The following HYAL4 variants were observed in gnomAD, a reference collection of about 807,000 sequenced individuals.
The protein encoded by HYAL4 is hyaluronidase-4.
In HYAL4, 37 loss-of-function variants were observed where a neutral mutation model predicts 35.2. That is an observed-to-expected ratio of 1.05 (90% confidence interval 0.81 to 1.38). The LOEUF is 1.38. HYAL4 is among the 40% of genes most tolerant of loss of function. The pLI is 0.00. For missense variants in HYAL4, 572 were observed against 572.4 expected (o/e 1.00, Z 0.01); for synonymous variants, 198 against 203.2 (o/e 0.97, Z 0.22).
the HYAL4 span, among the ~76,000 whole-genome samples, chr7:123,792,962 C>G: frequency 2.0e-5 from 3 of 152,154 alleles, no homozygotes; most frequent in African/African-American, 7.2e-5. Context: ...GAGGTCCCTT[C>G]GGGCCAGCCT....
intron 4 of HYAL4, among the ~76,000 whole-genome samples, chr7:123,875,516 G>C (rs1326667820): frequency 6.6e-6 from 1 of 151,916 alleles, no homozygotes; most frequent in African/African-American, 2.4e-5. Context: ...AATTAGGCGA[G>C]TGTGATGACA....
At chr7:123,871,530 C>T (rs1353480789) in intron 3 of HYAL4, among the ~76,000 whole-genome samples, 1 of 152,126 alleles carries the variant, frequency 6.6e-6, no homozygotes, top group East Asian at 1.9e-4. Flanking sequence ...TTCATTTGTA[C>T]CAAACTCTTA....
At chr7:123,817,344 T>C in the HYAL4 span, among the ~76,000 whole-genome samples, 3 of 152,116 alleles carry the variant, frequency 2.0e-5, no homozygotes, top group Non-Finnish European at 4.4e-5. Context: ...CTAAAACTTA[T>C]CCATCTTTAT....
the HYAL4 span, among the ~76,000 whole-genome samples, chr7:123,812,162 G>A: frequency 6.6e-6 from 1 of 152,054 alleles, no homozygotes; most frequent in East Asian, 1.9e-4. Context: ...TTTTTACAAT[G>A]TGTGGAATTA....
the HYAL4 span, among the ~76,000 whole-genome samples, chr7:123,801,633 G>A: frequency 3.3e-5 from 5 of 152,014 alleles, no homozygotes; most frequent in Non-Finnish European, 5.9e-5. Flanking sequence ...TTATTTATTT[G>A]ATTTCATCAA....
At chr7:123,864,322 CTA>C (rs1806641131) in intron 2 of HYAL4, among the ~76,000 whole-genome samples, 1 of 152,094 alleles carries the variant, frequency 6.6e-6, no homozygotes, top group African/African-American at 2.4e-5. Context: ...CTAGTCCTTC[CTA>C]TATATTCCCA....
chr7:123,783,674 C>CA, the HYAL4 span, among the ~76,000 whole-genome samples: 1 of 152,026 alleles, frequency 6.6e-6, no homozygotes, highest in East Asian at 1.9e-4. Flanking sequence ...CTGCTGGGAA[C>CA]AGGTTAGGGT....
chr7:123,835,976 G>A (rs1805958665), intron 1 of HYAL4, among the ~76,000 whole-genome samples: 1 of 152,102 alleles, frequency 6.6e-6, no homozygotes, highest in Admixed American at 6.5e-5. Flanking sequence ...AATTTATTGA[G>A]ACTTGTTTCA....
At position 123,863,057 on chromosome 7, in the gene HYAL4, C is replaced by T. The variant is rs559347822; in HGVS notation, c.-51-5166C>T. Among the ~76,000 whole-genome samples, 16 of 152,340 alleles carry T rather than the reference C, an allele frequency of 1.1e-4. No homozygotes were observed. In the East Asian group the frequency reaches 2.7e-3, roughly 26 times the overall value. On this transcript the variant is annotated intron_variant, in intron 2 of 4. Coordinates refer to ENST00000223026, the MANE Select transcript of HYAL4 (RefSeq NM_012269.3). ...CCAGACATCCTCCAGGCTGACTCCT[C>T]TTATCCTTGGGATCAGTGAGGCTTG...
intron 2 of HYAL4, among the ~76,000 whole-genome samples, chr7:123,853,348 A>G (rs968602836): frequency 6.6e-6 from 1 of 152,254 alleles, no homozygotes; most frequent in African/African-American, 2.4e-5. Flanking sequence ...TTGCCCATTC[A>G]GTATGATATT....
the HYAL4 span, among the ~76,000 whole-genome samples, chr7:123,805,988 C>G: frequency 6.6e-6 from 1 of 151,770 alleles, no homozygotes; most frequent in Non-Finnish European, 1.5e-5. Flanking sequence ...CAGGGAGACT[C>G]CGTCCGAAAA....
At chr7:123,786,289 A>G in the HYAL4 span, among the ~76,000 whole-genome samples, 2 of 152,336 alleles carry the variant, frequency 1.3e-5, no homozygotes, top group East Asian at 3.9e-4. Flanking sequence ...GTTTGGGGTG[A>G]AAGAGGTGTC....
intron 1 of HYAL4, among the ~76,000 whole-genome samples, chr7:123,831,961 T>C (rs936883339): frequency 3.3e-5 from 5 of 152,150 alleles, no homozygotes; most frequent in African/African-American, 9.7e-5. Flanking sequence ...CCTTTTTTTT[T>C]CCCTTCCATG....
At chr7:123,874,907 T>C (rs539523341) in intron 4 of HYAL4, 57 bp downstream of exon 4, 2 of 1,027,042 alleles carry the variant, frequency 1.9e-6, no homozygotes, top group East Asian at 2.4e-5. Context: ...ATTTCTCTGC[T>C]TTCTTGGAGA....
chr7:123,813,936 CTT>C, the HYAL4 span, among the ~76,000 whole-genome samples: 84 of 152,212 alleles, frequency 5.5e-4, no homozygotes, highest in Non-Finnish European at 1.1e-3. Flanking sequence ...ATGTGTGAAA[CTT>C]TTTATAGTTT....
rs554067711 is a variant in HYAL4 at position 123,868,656 on chromosome 7, A to G, written c.383A>G (p.Asp128Gly). 1 of 1,613,760 alleles carries G rather than the reference A, an allele frequency of 6.2e-7. No individual in the cohort carries two copies. The highest frequency in any genetic ancestry group is 1.7e-5 in the Admixed American group (1 of 59,948). ...LQVHLEKADQDINYYIPAEDF... is the reference protein window; with the variant it reads ...LQVHLEKADQGINYYIPAEDF... ...GTACATCTGGAAAAAGCTGACCAAG[A>G]TATTAATTATTACATCCCTGCTGAA... The change falls in exon 3 of 5, where the codon GAT (aspartate) becomes GGT (glycine). Residue 128 changes from aspartate (D) to glycine (G), a missense_variant. Physicochemically the swap from Asp to Gly is moderately conservative, Grantham distance 94. Coordinates refer to ENST00000223026, the MANE Select transcript of HYAL4 (RefSeq NM_012269.3).
chr7:123,865,237 TTC>T (rs1253181823), intron 2 of HYAL4, among the ~76,000 whole-genome samples: 77 of 152,308 alleles, frequency 5.1e-4, no homozygotes, highest in Admixed American at 1.4e-3. Flanking sequence ...GGGTAGATTT[TTC>T]TTTTTTTGGT....
the HYAL4 span, among the ~76,000 whole-genome samples, chr7:123,806,600 C>T: frequency 1.2e-4 from 18 of 151,852 alleles, no homozygotes; most frequent in South Asian, 4.2e-4. Context: ...TGCGCCACCA[C>T]GCCCAAGTAA....
upstream of HYAL4, among the ~76,000 whole-genome samples, chr7:123,842,481 C>T (rs564304287): frequency 5.3e-4 from 80 of 151,838 alleles, no homozygotes; most frequent in African/African-American, 1.4e-3. Flanking sequence ...CTGTTGATTT[C>T]GGGTGGAGAG....
Sources: allele counts gnomAD v4.1 joint callset (sites outside exome capture counted in the v4.1 genomes callset), GRCh38; gene constraint gnomAD v4.1.1; transcripts MANE v1.5; gene names NCBI Gene and HGNC (gene_info 2026-07-23, HGNC 2026-07-21).